The following RTRAF variants were observed in gnomAD, a reference collection of about 807,000 sequenced individuals.
The protein encoded by RTRAF is tRNA-splicing ligase complex subunit RTRAF.
RTRAF carries 14 observed loss-of-function variants against 34.4 expected under a neutral mutation model. The ratio of observed to expected loss-of-function variants is 0.41; its 90% CI spans 0.27 to 0.64. RTRAF has a LOEUF of 0.64. RTRAF is among the 30% of genes least tolerant of loss of function. The pLI, the probability that RTRAF is intolerant of heterozygous loss-of-function variation, is 0.34. For synonymous variants in RTRAF, 96 were observed against 95.3 expected (o/e 1.01, Z -0.04); for missense variants, 291 against 288.4 (o/e 1.01, Z -0.06).
At position 52,006,066 on chromosome 14, in the gene RTRAF, CAG is replaced by C. The variant is rs1594993085; in HGVS notation, c.*1553_*1554del. ...AGAATCACATGATGAGCTATCAAAT[CAG>C]AGTTGTAGGGCATGGTGTAAAGGGC... On this transcript the variant is annotated 3_prime_UTR_variant, in exon 8 of 8. Coordinates refer to ENST00000261700, the MANE Select transcript of RTRAF (RefSeq NM_016039.3). The C allele has an allele frequency of 1.8e-6, 1 of 543,876 alleles. No homozygotes were observed. The highest frequency in any genetic ancestry group is 3.3e-6 in the Non-Finnish European group (1 of 300,146). The allele number at this position is 543,876 out of a possible 1,614,324, so 33.7% of individuals were successfully genotyped here.
chr14:52,001,459 A>G (rs1890601183), intron 5 of RTRAF, among the ~76,000 whole-genome samples: 1 of 152,164 alleles, frequency 6.6e-6, no homozygotes, highest in South Asian at 2.1e-4. Flanking sequence ...AGGGTAAGGA[A>G]TCTGTAGGGG....
At chr14:51,999,967 C>G in intron 5 of RTRAF, 171 bp downstream of exon 5, 1 of 531,622 alleles carries the variant, frequency 1.9e-6, no homozygotes, top group East Asian at 2.9e-5. Context: ...ATTCTGTTTT[C>G]TGCCTGCACT....
rs1379391283 is a variant in RTRAF, at chr14:52,005,972, G to T, written c.*1456G>T. On this transcript the variant is annotated 3_prime_UTR_variant, in exon 8 of 8. Coordinates refer to ENST00000261700, the MANE Select transcript of RTRAF (RefSeq NM_016039.3). ...TGGCAGCCTTCTCTGTCCCAGGGCT[G>T]GTGCTAAAGCCATACTGAAGTTTGA... 3 of 692,056 alleles carry T rather than the reference G, an allele frequency of 4.3e-6. No individual in the cohort carries two copies. Among genetic ancestry groups the T allele is most frequent in the Non-Finnish European group, 7.8e-6 (3 of 386,826 alleles). 42.9% of individuals were successfully genotyped at this position (692,056 alleles called of 1,614,324 possible).
rs781244788 is a variant in RTRAF at position 52,001,778 on chromosome 14, AAT to A, written c.463-17_463-16del. 1.2e-6 allele frequency: 2 copies of A among 1,608,424 alleles called. No homozygotes were observed. Among genetic ancestry groups the A allele is most frequent in the Non-Finnish European group, 1.7e-6 (2 of 1,176,772 alleles). On this transcript the variant is annotated intron_variant, in intron 5 of 7. Coordinates refer to ENST00000261700, the MANE Select transcript of RTRAF (RefSeq NM_016039.3). ...AGGTACACAGCCTATAAAAAGTAAAAATATTTTTGGGTTTCTTAGGCAATTCG... is the reference window on the plus strand; with the variant it reads ...AGGTACACAGCCTATAAAAAGTAAAAATTTTTGGGTTTCTTAGGCAATTCG...
At chr14:51,995,076 C>T (rs1230939523) in intron 3 of RTRAF, among the ~76,000 whole-genome samples, 1 of 152,040 alleles carries the variant, frequency 6.6e-6, no homozygotes, top group Admixed American at 6.6e-5. Context: ...CATTTTGCTT[C>T]TATGTCTTAT....
rs1566736659 is a variant in RTRAF, at chr14:52,005,482, GTACT to G, written c.*972_*975del. On this transcript the variant is annotated 3_prime_UTR_variant, in exon 8 of 8. Coordinates refer to ENST00000261700, the MANE Select transcript of RTRAF (RefSeq NM_016039.3). ...ACTCCAAGTCTTCCTTTACATTACT[GTACT>G]TACTTTCTTCCTGTGAGAGAAGAGC... 5.0e-6 allele frequency: 8 copies of G among 1,596,734 alleles called. No individual in the cohort carries two copies. Among genetic ancestry groups the G allele is most frequent in the South Asian group, 1.1e-5 (1 of 87,634 alleles).
At chr14:52,003,635 G>A (rs2140332039) in intron 6 of RTRAF, among the ~76,000 whole-genome samples, 1 of 152,244 alleles carries the variant, frequency 6.6e-6, no homozygotes, top group South Asian at 2.1e-4. Flanking sequence ...CATAGGTGCT[G>A]AGTGGTTTAG....
Position 52,005,408 on chromosome 14 carries a change from TCTTTGC to T in RTRAF, c.*899_*904del. 1.4e-6 allele frequency: 2 copies of T among 1,386,288 alleles called. No individual in the cohort carries two copies. The highest frequency in any genetic ancestry group is 1.4e-5 in the African/African-American group (1 of 69,460). The allele number at this position is 1,386,288 out of a possible 1,614,324, so 85.9% of individuals were successfully genotyped here. ...CTAATGGCCAATTCCTTTTTTACTT[TCTTTGC>T]CTTTGCAGTCACTGTTCTTTAGGGT... On this transcript the variant is annotated 3_prime_UTR_variant, in exon 8 of 8. Coordinates refer to ENST00000261700, the MANE Select transcript of RTRAF (RefSeq NM_016039.3).
Position 52,007,623 on chromosome 14 carries a change from C to T in RTRAF, c.*3107C>T. ...CTTACTGCTTGATATATCCTTCCCTCCACCCAAACCCCAGAAAGTTCATTT... is the reference window on the plus strand; with the variant it reads ...CTTACTGCTTGATATATCCTTCCCTTCACCCAAACCCCAGAAAGTTCATTT... On this transcript the variant is annotated 3_prime_UTR_variant, in exon 8 of 8. Transcript: ENST00000261700. The T allele has an allele frequency of 1.6e-6, 1 of 608,028 alleles. No homozygotes were observed. The highest frequency in any genetic ancestry group is 2.9e-6 in the Non-Finnish European group (1 of 346,614). 37.7% of individuals were successfully genotyped at this position (608,028 alleles called of 1,614,324 possible).
intron 1 of RTRAF, 37 bp from the exon 2 acceptor site, chr14:51,991,280 G>C (rs1386536350): frequency 6.3e-7 from 1 of 1,597,228 alleles, no homozygotes; most frequent in African/African-American, 1.3e-5. Context: ...ATTTTATGTA[G>C]TGCTTCTAGT....
intron 2 of RTRAF, 150 bp from the exon 3 acceptor site, chr14:51,993,573 T>C (rs1335048425): frequency 1.8e-6 from 1 of 558,368 alleles, no homozygotes. Flanking sequence ...TTCCCTTCTG[T>C]TGGGTTATAT....
rs565947426 is a variant in RTRAF, at chr14:52,001,247, T to A, written c.463-551T>A. ...TTTTAAAATTTGATTTTTAAGTGTG[T>A]ATGGATACTTGCATGCATGCCTACC... On this transcript the variant is annotated intron_variant, in intron 5 of 7. Transcript: ENST00000261700. Among the ~76,000 whole-genome samples the A allele has an allele frequency of 1.1e-3, 172 of 152,308 alleles. 1 individual carries two copies. Among genetic ancestry groups the A allele is most frequent in the African/African-American group, 4.0e-3 (167 of 41,574 alleles).
rs1457073517 is a variant in RTRAF at position 51,991,304 on chromosome 14, T to C, written c.62-13T>C. 6.2e-7 allele frequency: 1 copy of C among 1,610,618 alleles called. No individual in the cohort carries two copies. The highest frequency in any genetic ancestry group is 1.3e-5 in the African/African-American group (1 of 74,760). Reference sequence around the variant, plus strand: ...AGTGCTTCTAGTTATTTATGTGATATTTTTTATTGCAGATGAAACAGAATT... The same window carrying C: ...AGTGCTTCTAGTTATTTATGTGATACTTTTTATTGCAGATGAAACAGAATT... On this transcript the variant is annotated splice_polypyrimidine_tract_variant and intron_variant, in intron 1 of 7. Transcript: ENST00000261700.
chr14:52,006,400 G>A lies in RTRAF; in HGVS notation c.*1884G>A, dbSNP rs147222306. The A allele has an allele frequency of 4.1e-3, 3,497 of 859,552 alleles. 18 individuals are homozygous for A. Among genetic ancestry groups the A allele is most frequent in the Non-Finnish European group, 5.8e-3 (3,163 of 545,480 alleles). 53.2% of individuals were successfully genotyped at this position (859,552 alleles called of 1,614,324 possible). ...AAAACATCCTTGAAGGATCTTATCT[G>A]CCAATGAGGAGGTGATGAAACAAAA... On this transcript the variant is annotated 3_prime_UTR_variant, in exon 8 of 8. Coordinates refer to ENST00000261700, the MANE Select transcript of RTRAF (RefSeq NM_016039.3).
Position 52,006,026 on chromosome 14 carries a change from C to CATGTGAT in RTRAF, c.*1510_*1511insATGTGAT. On this transcript the variant is annotated 3_prime_UTR_variant, in exon 8 of 8. Coordinates refer to ENST00000261700, the MANE Select transcript of RTRAF (RefSeq NM_016039.3). ...CCATTGCTCTAAATCCATTGCTCAT[C>CATGTGAT]TCTAGCTGCATGTTAGAATCACATG... 3.4e-6 allele frequency: 2 copies of CATGTGAT among 591,582 alleles called. No homozygotes were observed. Among genetic ancestry groups the CATGTGAT allele is most frequent in the East Asian group, 5.8e-5 (2 of 34,692 alleles). The allele number at this position is 591,582 out of a possible 1,614,324, so 36.6% of individuals were successfully genotyped here.
intron 2 of RTRAF, 129 bp from the exon 3 acceptor site, chr14:51,993,594 A>C (rs1890469689): frequency 1.6e-6 from 1 of 609,198 alleles, no homozygotes. Context: ...AATTGCATCA[A>C]AAGTGTAGTA....
chr14:52,005,415 CT>C lies in RTRAF; in HGVS notation c.*902del, dbSNP rs1890728988. On this transcript the variant is annotated 3_prime_UTR_variant, in exon 8 of 8. Coordinates refer to ENST00000261700, the MANE Select transcript of RTRAF (RefSeq NM_016039.3). ...CCAATTCCTTTTTTACTTTCTTTGCCTTTGCAGTCACTGTTCTTTAGGGTCC... is the reference window on the plus strand; with the variant it reads ...CCAATTCCTTTTTTACTTTCTTTGCCTTGCAGTCACTGTTCTTTAGGGTCC... The C allele has an allele frequency of 3.5e-6, 5 of 1,425,028 alleles. No individual in the cohort carries two copies. The South Asian group carries it at 4.9e-5, about 14-fold the overall frequency. The allele number at this position is 1,425,028 out of a possible 1,614,324, so 88.3% of individuals were successfully genotyped here.
chr14:51,999,675 TGTAA>T, intron 4 of RTRAF, 29 bp from the exon 5 acceptor site: 2 of 1,415,666 alleles, frequency 1.4e-6, no homozygotes, highest in Non-Finnish European at 2.0e-6. Context: ...TTTGCAGGGT[TGTAA>T]GTTTTTGTTT....
chr14:52,004,083 C>T, intron 6 of RTRAF, 111 bp from the exon 7 acceptor site: 1 of 884,932 alleles, frequency 1.1e-6, no homozygotes, highest in East Asian at 2.5e-5. Flanking sequence ...CTTGCCCATG[C>T]AGCTAAAAGA....
Sources: allele counts gnomAD v4.1 joint callset (sites outside exome capture counted in the v4.1 genomes callset), GRCh38; gene constraint gnomAD v4.1.1; transcripts MANE v1.5; gene names NCBI Gene and HGNC (gene_info 2026-07-23, HGNC 2026-07-21).